Variants in MAGI2 observed in about 807,000 individuals in gnomAD.
MAGI2 encodes the protein membrane-associated guanylate kinase, WW and PDZ domain-containing protein 2.
Under a neutral mutation model 133.3 loss-of-function variants are expected in MAGI2, and 35 were observed. The ratio of observed to expected loss-of-function variants is 0.26; its 90% CI spans 0.20 to 0.35. The LOEUF is 0.35. Ranked by LOEUF, MAGI2 falls within the 10% of genes least tolerant of loss-of-function variation. The pLI, the probability that MAGI2 is intolerant of heterozygous loss-of-function variation, is 1.00. For missense variants in MAGI2, 1,636 were observed against 1,863.4 expected (o/e 0.88, Z 2.25); for synonymous variants, 729 against 710.6 (o/e 1.03, Z -0.41).
intron 10 of MAGI2, among the ~76,000 whole-genome samples, chr7:78,217,191 G>A (rs1002976505): frequency 2.0e-5 from 3 of 152,132 alleles, no homozygotes; most frequent in Non-Finnish European, 4.4e-5. Context: ...ATATAAATTT[G>A]AGGGTGGGAA....
intron 2 of MAGI2, among the ~76,000 whole-genome samples, chr7:78,906,846 A>C (rs1798028957): frequency 7.5e-6 from 1 of 133,226 alleles, no homozygotes; most frequent in African/African-American, 3.5e-5. Context: ...ATATGAATGC[A>C]TATCTATACA....
chr7:78,399,467 A>G (rs1796650180), intron 6 of MAGI2, among the ~76,000 whole-genome samples: 1 of 152,174 alleles, frequency 6.6e-6, no homozygotes, highest in African/African-American at 2.4e-5. Flanking sequence ...AAGAAGCACT[A>G]TTTGCATCAG....
At chr7:78,396,137 C>T (rs1023508612) in intron 6 of MAGI2, among the ~76,000 whole-genome samples, 1 of 152,106 alleles carries the variant, frequency 6.6e-6, no homozygotes, top group African/African-American at 2.4e-5. Context: ...AGTTTTAAAG[C>T]AACCCTTTTA....
intron 2 of MAGI2, among the ~76,000 whole-genome samples, chr7:78,934,147 G>A (rs1218301775): frequency 1.3e-5 from 2 of 151,918 alleles, no homozygotes; most frequent in Non-Finnish European, 2.9e-5. Flanking sequence ...TGTCACCCAG[G>A]CTAAAGTGCA....
chr7:78,414,938 GT>G (rs1183884110), intron 6 of MAGI2, among the ~76,000 whole-genome samples: 3 of 152,046 alleles, frequency 2.0e-5, no homozygotes. Flanking sequence ...TAAATAATGA[GT>G]TTTCAGTGAT....
intron 10 of MAGI2, among the ~76,000 whole-genome samples, chr7:78,219,771 C>T (rs190064087): frequency 2.0e-5 from 3 of 152,220 alleles, no homozygotes; most frequent in Non-Finnish European, 2.9e-5. Flanking sequence ...CTTTCACATT[C>T]TGTCATTCCT....
chr7:79,396,011 C>G (rs185556440), intron 1 of MAGI2, among the ~76,000 whole-genome samples: 1 of 152,288 alleles, frequency 6.6e-6, no homozygotes, highest in Admixed American at 6.5e-5. Flanking sequence ...GTCACTTTCT[C>G]TGTCCTATAA....
chr7:78,617,008 C>T (rs982360803), intron 3 of MAGI2: 1 of 151,930 alleles, frequency 6.6e-6, no homozygotes, highest in African/African-American at 2.4e-5. Context: ...AATAAATGGT[C>T]AATTATAAGT....
At chr7:78,823,897 T>G (rs902636358) in intron 2 of MAGI2, among the ~76,000 whole-genome samples, 9 of 148,180 alleles carry the variant, frequency 6.1e-5, no homozygotes, top group African/African-American at 2.1e-4. Context: ...TTATCTTCTC[T>G]TGGATTTCAC....
chr7:78,461,937 A>AG (rs1223743493), intron 6 of MAGI2, among the ~76,000 whole-genome samples: 21,966 of 141,756 alleles, frequency 0.15, 2,380 homozygotes, highest in African/African-American at 0.21. Context: ...AAAAAAAAAA[A>AG]AAAAAAAAAA....
intron 11 of MAGI2, among the ~76,000 whole-genome samples, chr7:78,198,512 A>ACCT (rs1157106959): frequency 6.8e-6 from 1 of 147,274 alleles, no homozygotes; most frequent in African/African-American, 2.5e-5. Context: ...GCTTACTGCA[A>ACCT]CCTCCGCCTC....
chr7:78,255,823 G>T, intron 10 of MAGI2, 120 bp downstream of exon 10: 1 of 1,049,090 alleles, frequency 9.5e-7, no homozygotes, highest in Non-Finnish European at 1.4e-6. Context: ...CACTCTTTAA[G>T]CTTTATTTTT....
chr7:79,315,338 T>G (rs1041175862), intron 1 of MAGI2, among the ~76,000 whole-genome samples: 1 of 92,288 alleles, frequency 1.1e-5, no homozygotes, highest in Non-Finnish European at 2.9e-5. Flanking sequence ...TTTTTTTTTT[T>G]TTTTTTTTGT....
chr7:78,772,861 G>GA (rs1372100240), intron 2 of MAGI2, among the ~76,000 whole-genome samples: 1 of 152,056 alleles, frequency 6.6e-6, no homozygotes, highest in East Asian at 1.9e-4. Flanking sequence ...AATGTTATAG[G>GA]AAAAAAACAT....
intron 2 of MAGI2, among the ~76,000 whole-genome samples, chr7:78,889,638 A>G (rs1204822515): frequency 1.3e-5 from 2 of 152,176 alleles, no homozygotes; most frequent in East Asian, 3.9e-4. Flanking sequence ...AAGCTTCATA[A>G]GTGAAGGAGA....
At chr7:78,432,208 C>CA (rs1234092462) in intron 6 of MAGI2, among the ~76,000 whole-genome samples, 195 of 115,312 alleles carry the variant, frequency 1.7e-3, no homozygotes, top group African/African-American at 4.1e-3. Flanking sequence ...GCAGGCCTTA[C>CA]AAAAAAAAAA....
At chr7:78,406,304 T>C (rs1797367698) in intron 6 of MAGI2, among the ~76,000 whole-genome samples, 1 of 152,004 alleles carries the variant, frequency 6.6e-6, no homozygotes, top group Non-Finnish European at 1.5e-5. Context: ...TAAATAACAG[T>C]ATTTAAATTT....
intron 6 of MAGI2, among the ~76,000 whole-genome samples, chr7:78,378,795 T>C (rs1264152313): frequency 1.3e-5 from 2 of 152,006 alleles, no homozygotes; most frequent in African/African-American, 4.8e-5. Flanking sequence ...CACATTTAAT[T>C]GTAGATCTAA....
chr7:78,780,439 T>C (rs1046815806), intron 2 of MAGI2, among the ~76,000 whole-genome samples: 1 of 152,244 alleles, frequency 6.6e-6, no homozygotes, highest in African/African-American at 2.4e-5. Flanking sequence ...TCCTCATTAG[T>C]AACAGTAACT....
Sources: gnomAD v4.1 joint callset for allele counts (sites outside exome capture counted in the v4.1 genomes callset) on GRCh38, gnomAD v4.1.1 for gene constraint, MANE v1.5 for transcripts, NCBI Gene and HGNC (gene_info 2026-07-23, HGNC 2026-07-21) for gene names.